ANK2: variants seen among roughly 807,000 people sequenced by gnomAD.
ANK2 encodes ankyrin 2.
Under a neutral mutation model 360.5 loss-of-function variants are expected in ANK2, and 83 were observed. That is an observed-to-expected ratio of 0.23 (90% CI 0.19 to 0.28). ANK2 has a LOEUF of 0.28. ANK2 is among the 10% of genes least tolerant of loss of function. The pLI is 1.00. For missense variants in ANK2, 4,201 were observed against 4,795.7 expected, an observed-to-expected ratio of 0.88 and a Z score of 3.66; for synonymous variants, 1,740 against 1,759.5, an observed-to-expected ratio of 0.99 and a Z score of 0.28.
rs57817594 is a variant in ANK2 at position 113,021,541 on chromosome 4, CATATATATAT to C, written c.21+117056_21+117065del. On this transcript the variant is annotated intron_variant, in intron 2 of 30. Coordinates refer to the ANK2 transcript ENST00000503271. ...ATACACACACACACCCACACACAAA[CATATATATAT>C]ATATATATATATATATATATATATA... Among the ~76,000 whole-genome samples, 31 of 95,638 alleles carry C rather than the reference CATATATATAT, an allele frequency of 3.2e-4. 2 individuals are homozygous for C. The highest frequency in any genetic ancestry group is 5.6e-4 in the Admixed American group (5 of 8,854). The allele number at this position is 95,638 out of a possible 152,430, so 62.7% of individuals were successfully genotyped here.
chr4:112,902,177 G>A (rs1467273216), intron 1 of ANK2, among the ~76,000 whole-genome samples: 2 of 152,226 alleles, frequency 1.3e-5, no homozygotes, highest in African/African-American at 2.4e-5. Context: ...TGTCAGTGGA[G>A]CTGAGTATTC....
chr4:112,964,574 T>C (rs886066045), intron 2 of ANK2, among the ~76,000 whole-genome samples: 2 of 133,292 alleles, frequency 1.5e-5, no homozygotes, highest in Non-Finnish European at 3.2e-5. Flanking sequence ...TTCTTTTTTC[T>C]TTTTTTTTTT....
At chr4:112,751,960 G>T in the ANK2 span, among the ~76,000 whole-genome samples, 253 of 152,310 alleles carry the variant, frequency 1.7e-3, 1 homozygote, top group South Asian at 3.5e-3. Flanking sequence ...TCAGTACAAA[G>T]AATAGGGAGA....
At chr4:113,038,306 A>G (rs1286808926) in intron 2 of ANK2, among the ~76,000 whole-genome samples, 2 of 152,016 alleles carry the variant, frequency 1.3e-5, no homozygotes, top group South Asian at 2.1e-4. Flanking sequence ...AAGATCAACA[A>G]AGACTTTTTT....
the ANK2 span, among the ~76,000 whole-genome samples, chr4:112,784,418 C>T: frequency 1.4e-5 from 2 of 139,414 alleles, no homozygotes; most frequent in African/African-American, 5.3e-5. Flanking sequence ...AGTGCAGTGG[C>T]GCGATCTCGG....
In ANK2 at chr4:113,353,689, C is replaced by G; in HGVS notation, c.5071C>G (p.Gln1691Glu). 4 of 1,613,790 alleles carry G rather than the reference C, an allele frequency of 2.5e-6. No homozygotes were observed. The highest frequency in any genetic ancestry group is 3.4e-6 in the Non-Finnish European group (4 of 1,179,936). ...ACCCCCAGATGAGACACAGAGTACA[C>G]AGAAACAGCACAAACCAAGCTTGGG... ...DIPPDETQST[Q>E]KQHKPSLGIK... is the part of the protein sequence containing the mutation. Residue 1691 changes from glutamine to glutamate, a missense_variant, in exon 38 of 46, where the codon CAG becomes GAG. Gln to Glu is a conservative substitution (Grantham distance 29). Around this residue, in one of 4 missense-constraint regions of ANK2, gnomAD observed 2,642 missense variants for 2,714.5 expected, o/e 0.97. Coordinates refer to ENST00000357077, the MANE Select transcript of ANK2 (RefSeq NM_001148.6).
chr4:113,015,746 A>G (rs892529522), intron 2 of ANK2, among the ~76,000 whole-genome samples: 1 of 152,178 alleles, frequency 6.6e-6, no homozygotes, highest in Non-Finnish European at 1.5e-5. Context: ...CAATTGTGGT[A>G]TATTTTGTCT....
rs371865574 is a variant in ANK2 at position 113,110,193 on chromosome 4, C to T, written c.84+60381C>T. Among the ~76,000 whole-genome samples the T allele has an allele frequency of 2.2e-4, 34 of 152,274 alleles. No homozygotes were observed. The East Asian group carries it at 5.4e-3, about 24-fold the overall frequency. ...AAGGAGGAGCAAAGGCACATCTTAC[C>T]TGGCCGCAGGCAAGAGAGTGTGTGC... is the stretch of plus-strand genomic sequence containing the variant. On this transcript the variant is annotated intron_variant, in intron 1 of 45. Coordinates refer to ENST00000357077, the MANE Select transcript of ANK2 (RefSeq NM_001148.6).
At chr4:112,852,788 A>G (rs2065321838) in intron 1 of ANK2, among the ~76,000 whole-genome samples, 1 of 152,238 alleles carries the variant, frequency 6.6e-6, no homozygotes. Context: ...TGACAGGAAA[A>G]AAATGTTCTC....
At position 113,311,251 on chromosome 4, in the gene ANK2, C is replaced by G; in HGVS notation, c.2549-4C>G. On this transcript the variant is annotated splice_polypyrimidine_tract_variant and splice_region_variant and intron_variant, in intron 23 of 45. Transcript: ENST00000357077. Reference sequence around the variant, plus strand: ...ATCCTGCTTCTTCCTCTGATTGTTTCAAGGTGATGACACAATGACTGGTGA... The same window carrying G: ...ATCCTGCTTCTTCCTCTGATTGTTTGAAGGTGATGACACAATGACTGGTGA... 1.2e-6 allele frequency: 2 copies of G among 1,614,064 alleles called. No homozygotes were observed. The highest frequency in any genetic ancestry group is 1.7e-6 in the Non-Finnish European group (2 of 1,180,012).
At chr4:113,046,119 CT>C (rs1450255624), upstream of ANK2, among the ~76,000 whole-genome samples, 1 of 152,092 alleles carries the variant, frequency 6.6e-6, no homozygotes, top group African/African-American at 2.4e-5. Context: ...TGACGGAAAG[CT>C]TTCAGAAGAG....
chr4:113,190,631 C>A (rs781705182), intron 2 of ANK2, among the ~76,000 whole-genome samples: 1 of 151,870 alleles, frequency 6.6e-6, no homozygotes, highest in Admixed American at 6.6e-5. Flanking sequence ...GATGCAGAGG[C>A]CATTGGTTTT....
intron 2 of ANK2, among the ~76,000 whole-genome samples, chr4:112,948,481 T>A (rs777887291): frequency 6.6e-6 from 1 of 152,106 alleles, no homozygotes; most frequent in Non-Finnish European, 1.5e-5. Flanking sequence ...GACAGACAGA[T>A]CAATGAGCCA....
chr4:113,161,695 C>CGTGTGT lies in ANK2; in HGVS notation c.85-12687_85-12682dup, dbSNP rs56162406. ...CCTGTACAAAATTTTGTTTTAGTCT[C>CGTGTGT]GTGTGTGTGTGTGTGTGTGTGTGTG... On this transcript the variant is annotated intron_variant, in intron 1 of 45. Coordinates refer to ENST00000357077, the MANE Select transcript of ANK2 (RefSeq NM_001148.6). Among the ~76,000 whole-genome samples, 720 of 144,822 alleles carry CGTGTGT rather than the reference C, an allele frequency of 5.0e-3. 5 individuals carry two copies. Among genetic ancestry groups the CGTGTGT allele is most frequent in the African/African-American group, 0.016 (637 of 39,346 alleles).
rs557446866 is a variant in ANK2, at chr4:113,028,556, C to G, written c.21+124042C>G. Among the ~76,000 whole-genome samples the G allele has an allele frequency of 1.5e-4, 23 of 152,150 alleles. No homozygotes were observed. In the South Asian group the frequency reaches 4.4e-3, roughly 29 times the overall value. ...ATAAGCACTACAATAGAGACATGTT[C>G]TAAGGACACAGTGGAACAAAGGAGT... is the stretch of plus-strand genomic sequence containing the variant. On this transcript the variant is annotated intron_variant, in intron 2 of 30. Coordinates refer to the ANK2 transcript ENST00000503271.
At chr4:112,850,360 C>CCAT (rs2064499871) in intron 1 of ANK2, among the ~76,000 whole-genome samples, 1 of 60,842 alleles carries the variant, frequency 1.6e-5, no homozygotes, top group African/African-American at 6.7e-5. Flanking sequence ...CATCCATCCA[C>CCAT]CCATTCATCT....
At chr4:113,248,585 G>A (rs1223555386) in intron 9 of ANK2, among the ~76,000 whole-genome samples, 1 of 152,042 alleles carries the variant, frequency 6.6e-6, no homozygotes, top group Non-Finnish European at 1.5e-5. Flanking sequence ...GAAGGGTAGA[G>A]CATGGGTCTG....
At chr4:113,037,822 A>G (rs1289058275) in intron 2 of ANK2, among the ~76,000 whole-genome samples, 1 of 152,024 alleles carries the variant, frequency 6.6e-6, no homozygotes, top group African/African-American at 2.4e-5. Flanking sequence ...TATCAGTTAT[A>G]TAGGTTTTGT....
intron 2 of ANK2, among the ~76,000 whole-genome samples, chr4:113,176,237 A>G (rs2098193643): frequency 1.3e-5 from 2 of 152,212 alleles, no homozygotes; most frequent in Admixed American, 1.3e-4. Flanking sequence ...GCTCTGAATT[A>G]CAACGTCCTT....
Sources: gnomAD v4.1 joint callset for allele counts (sites outside exome capture counted in the v4.1 genomes callset) on GRCh38, gnomAD v4.1.1 for gene constraint, gnomAD v4.1.1 regional missense constraint, MANE v1.5 for transcripts, NCBI Gene and HGNC (gene_info 2026-07-23, HGNC 2026-07-21) for gene names.